MYO1F: variants seen among roughly 807,000 people sequenced by gnomAD.
The protein encoded by MYO1F is unconventional myosin-If.
MYO1F carries 60 observed loss-of-function variants against 146.6 expected under a neutral mutation model. That is an observed-to-expected ratio of 0.41 (90% confidence interval 0.33 to 0.51). The LOEUF (loss-of-function observed/expected upper bound fraction) is 0.51, where lower values mean the gene tolerates loss of function less well. Ranked by LOEUF, MYO1F falls within the 20% of genes least tolerant of loss-of-function variation. The pLI, the probability that MYO1F is intolerant of heterozygous loss-of-function variation, is 0.25. For synonymous variants in MYO1F, 602 were observed against 602.1 expected (o/e 1.00, Z 0.00); for missense variants, 1,274 against 1,534.3 (o/e 0.83, Z 2.83).
At chr19:8,574,579 C>CTT (rs782195626) in intron 1 of MYO1F, among the ~76,000 whole-genome samples, 1,891 of 86,554 alleles carry the variant, frequency 0.022, 7 homozygotes, top group Non-Finnish European at 0.026. Flanking sequence ...TTCTTTCTTT[C>CTT]TCTCTCTCTC....
chr19:8,558,338 AT>A (rs1182410920), intron 1 of MYO1F, among the ~76,000 whole-genome samples: 2 of 150,400 alleles, frequency 1.3e-5, no homozygotes, highest in African/African-American at 4.9e-5. Flanking sequence ...TAATATTTAA[AT>A]TTTTTTTGTA....
chr19:8,565,495 T>C (rs76005914), intron 1 of MYO1F, among the ~76,000 whole-genome samples: 1 of 151,916 alleles, frequency 6.6e-6, no homozygotes, highest in African/African-American at 2.4e-5. Flanking sequence ...TGAGCCAAGA[T>C]TGTGCCATTG....
intron 1 of MYO1F, among the ~76,000 whole-genome samples, chr19:8,564,735 G>C (rs1305846758): frequency 6.6e-6 from 1 of 151,670 alleles, no homozygotes; most frequent in African/African-American, 2.4e-5. Flanking sequence ...GAGGCTGTGG[G>C]GGAGAAGTGG....
intron 10 of MYO1F, among the ~76,000 whole-genome samples, chr19:8,548,518 C>T (rs1034346219): frequency 1.3e-5 from 2 of 152,098 alleles, no homozygotes; most frequent in Non-Finnish European, 2.9e-5. Context: ...AGAGGAGAAA[C>T]CCAAGTGTCA....
intron 16 of MYO1F, among the ~76,000 whole-genome samples, chr19:8,538,620 A>C: frequency 7.3e-6 from 1 of 136,190 alleles, no homozygotes; most frequent in African/African-American, 2.9e-5. Context: ...ACAGGGTCTC[A>C]CTCTGTTCCC....
chr19:8,546,554 C>T (rs141168772), intron 12 of MYO1F, among the ~76,000 whole-genome samples: 61 of 152,068 alleles, frequency 4.0e-4, no homozygotes, highest in African/African-American at 1.3e-3. Context: ...GAGATGAGGT[C>T]TCACTATGTT....
Position 8,527,462 on chromosome 19 carries a change from G to A in MYO1F, c.2350C>T (p.Leu784=). Residue 784 remains leucine, a synonymous_variant, in exon 22 of 28, where the codon CTG becomes TTG. Transcript: ENST00000644032. ...RFKPIKRDLI[L]TPKCVYVIGR... is the part of the protein sequence containing the mutation. ...ATCACATACACACACTTGGGCGTCA[G>A]GATCAAGTCCCGCTTGATGGGCTGT... 6.2e-7 allele frequency: 1 copy of A among 1,614,056 alleles called. No individual in the cohort carries two copies. Among genetic ancestry groups the A allele is most frequent in the Non-Finnish European group, 8.5e-7 (1 of 1,179,992 alleles).
chr19:8,538,165 C>T (rs1972809560), intron 16 of MYO1F, among the ~76,000 whole-genome samples: 1 of 151,408 alleles, frequency 6.6e-6, no homozygotes, highest in South Asian at 2.1e-4. Context: ...GGGGTTTCAC[C>T]ATGTTGGCTG....
chr19:8,545,604 CAG>C, intron 13 of MYO1F, 44 bp downstream of exon 13: 2 of 1,486,678 alleles, frequency 1.3e-6, no homozygotes, highest in African/African-American at 1.4e-5. Context: ...AGACTCAGCT[CAG>C]GGGACCAGTG....
At position 8,550,355 on chromosome 19, in the gene MYO1F, G is replaced by A. The variant is rs1260815919; in HGVS notation, c.906C>T (p.Leu302=). 1 of 1,610,428 alleles carries A rather than the reference G, an allele frequency of 6.2e-7. No individual in the cohort carries two copies. The highest frequency in any genetic ancestry group is 1.3e-5 in the African/African-American group (1 of 74,824). The change falls in exon 10 of 28, where the codon CTC becomes CTT. Residue 302 remains leucine (L), a splice_region_variant and synonymous_variant. Coordinates refer to ENST00000644032, the MANE Select transcript of MYO1F (RefSeq NM_012335.4). The part of the protein sequence containing the change: ...GNYARVESVD[L]LAFPAYLLGI... ...CCAGCAGGTAGGCGGGAAAGGCCAG[G>A]ACTACCAGGGCAAAGGTCAGGGCAA...
chr19:8,542,583 G>A (rs146527914), intron 14 of MYO1F, among the ~76,000 whole-genome samples: 62 of 151,262 alleles, frequency 4.1e-4, no homozygotes, highest in Middle Eastern at 3.4e-3. Context: ...AGCTCCAGCC[G>A]TTTTTGTTTT....
At chr19:8,568,421 T>TGAAAAAA (rs2042045987) in intron 1 of MYO1F, among the ~76,000 whole-genome samples, 2 of 13,476 alleles carry the variant, frequency 1.5e-4, no homozygotes, top group Non-Finnish European at 2.6e-4. Flanking sequence ...AGACTCCGTC[T>TGAAAAAA]CAAAAAAAAA....
intron 3 of MYO1F, 33 bp downstream of exon 3, chr19:8,554,621 G>C: frequency 6.2e-7 from 1 of 1,612,864 alleles, no homozygotes; most frequent in Middle Eastern, 1.7e-4. Flanking sequence ...CAGGAGTCTG[G>C]GGGCTGTGCC....
intron 14 of MYO1F, chr19:8,544,007 G>A (rs1973211648): frequency 4.4e-6 from 2 of 459,676 alleles, no homozygotes; most frequent in East Asian, 3.8e-5. Context: ...TGGTGGTGGC[G>A]GTGGCGGTGG....
chr19:8,528,565 A>C (rs1387527959), intron 21 of MYO1F, among the ~76,000 whole-genome samples: 1 of 152,120 alleles, frequency 6.6e-6, no homozygotes, highest in Non-Finnish European at 1.5e-5. Context: ...CTGTCTCAAA[A>C]AAACAAAAAA....
rs3213834 is a variant in MYO1F, at chr19:8,530,370, G to C, written c.2159-5C>G. On this transcript the variant is annotated splice_region_variant and splice_polypyrimidine_tract_variant and intron_variant, in intron 20 of 27. Coordinates refer to ENST00000644032, the MANE Select transcript of MYO1F (RefSeq NM_012335.4). The surrounding 1 kb of genome is among the most constrained non-coding windows in gnomAD (Gnocchi z 5.8). ...TGTTCAGCAGGATGTTGGAAGCTGCGGGGACAGAGGGTGGAGGGCAGAGCT... is the reference window on the plus strand; with the variant it reads ...TGTTCAGCAGGATGTTGGAAGCTGCCGGGACAGAGGGTGGAGGGCAGAGCT... 6.2e-7 allele frequency: 1 copy of C among 1,614,042 alleles called. No individual in the cohort carries two copies. Among genetic ancestry groups the C allele is most frequent in the Non-Finnish European group, 8.5e-7 (1 of 1,180,008 alleles).
intron 1 of MYO1F, among the ~76,000 whole-genome samples, chr19:8,573,997 C>T (rs1336389054): frequency 6.6e-6 from 1 of 152,206 alleles, no homozygotes; most frequent in Non-Finnish European, 1.5e-5. Context: ...TGATCATCAT[C>T]TTACCAGAAA....
In MYO1F at chr19:8,548,334, G is replaced by A; in HGVS notation, c.1102-17C>T. On this transcript the variant is annotated splice_polypyrimidine_tract_variant and intron_variant, in intron 10 of 27. Coordinates refer to ENST00000644032, the MANE Select transcript of MYO1F (RefSeq NM_012335.4). ...GTTGATGGCCTGCGGTGTGGGTGGGGACAGGAAGTCAGTGGGCATCGGTCA... is the reference window on the plus strand; with the variant it reads ...GTTGATGGCCTGCGGTGTGGGTGGGAACAGGAAGTCAGTGGGCATCGGTCA... The A allele has an allele frequency of 3.7e-6, 6 of 1,612,676 alleles. No homozygotes were observed. Among genetic ancestry groups the A allele is most frequent in the Non-Finnish European group, 5.1e-6 (6 of 1,179,492 alleles).
At chr19:8,529,304 AGT>A (rs1201645584) in intron 21 of MYO1F, among the ~76,000 whole-genome samples, 1 of 151,952 alleles carries the variant, frequency 6.6e-6, no homozygotes, top group East Asian at 1.9e-4. Context: ...GGGTCAAGTG[AGT>A]GTGTACCTGG....
Sources: allele counts gnomAD v4.1 joint callset (sites outside exome capture counted in the v4.1 genomes callset), GRCh38; gene constraint gnomAD v4.1.1; non-coding constraint Gnocchi (gnomAD v3.1); transcripts MANE v1.5; gene names NCBI Gene and HGNC (gene_info 2026-07-23, HGNC 2026-07-21).